Variants in NUP214 observed in about 807,000 individuals in gnomAD.
NUP214 encodes the protein nucleoporin 214, also known as nuclear pore complex protein Nup214.
Under a neutral mutation model 196.2 loss-of-function variants are expected in NUP214, and 79 were observed. The ratio of observed to expected loss-of-function variants is 0.40; its 90% CI spans 0.34 to 0.49. The LOEUF is 0.49. NUP214 is among the 20% of genes least tolerant of loss of function. The probability of loss-of-function intolerance (pLI) is 0.58; values close to 1 mark genes in which losing one functional copy is unlikely to be tolerated. For missense variants in NUP214, 2,468 were observed against 2,539.0 expected (o/e 0.97, Z 0.60); for synonymous variants, 1,020 against 990.5 (o/e 1.03, Z -0.56).
chr9:131,145,761 C>T (rs922230922), intron 12 of NUP214, among the ~76,000 whole-genome samples: 23 of 152,176 alleles, frequency 1.5e-4, no homozygotes, highest in Non-Finnish European at 3.4e-4. Context: ...CAGTAATTTC[C>T]TTGGTAAGAG....
intron 26 of NUP214, chr9:131,190,362 T>G: frequency 4.7e-6 from 3 of 640,044 alleles, no homozygotes; most frequent in Middle Eastern, 4.9e-4. Flanking sequence ...GAACTTTGCT[T>G]TATGCATGTC....
chr9:131,202,245 G>A (rs1479528989), intron 30 of NUP214, among the ~76,000 whole-genome samples: 1 of 152,110 alleles, frequency 6.6e-6, no homozygotes, highest in Non-Finnish European at 1.5e-5. Context: ...TCAGTCCCCT[G>A]CCTGTTAGGC....
At chr9:131,170,800 T>C (rs72768584) in intron 21 of NUP214, among the ~76,000 whole-genome samples, 5 of 63,402 alleles carry the variant, frequency 7.9e-5, no homozygotes, top group Admixed American at 2.0e-4. Flanking sequence ...TTATTATTAT[T>C]ATCATTATTA....
intron 4 of NUP214, 61 bp downstream of exon 4, chr9:131,129,538 T>C: frequency 6.6e-7 from 1 of 1,509,254 alleles, no homozygotes; most frequent in East Asian, 2.3e-5. Context: ...TAAGAATTGA[T>C]TTCTAGAAGT....
rs537685276 is a variant in NUP214, at chr9:131,201,823, T to A, written c.5592+106T>A. 15 of 952,132 alleles carry A rather than the reference T, an allele frequency of 1.6e-5. No individual in the cohort carries two copies. The Admixed American group carries it at 2.7e-4, about 17-fold the overall frequency. 59.0% of individuals were successfully genotyped at this position (952,132 alleles called of 1,614,324 possible). On this transcript the variant is annotated intron_variant, in intron 30 of 35. Coordinates refer to ENST00000359428, the MANE Select transcript of NUP214 (RefSeq NM_005085.4). Reference sequence around the variant, plus strand: ...GTTGTATATCTAAATCCAGCAAATATAGCCCTGTGTGGTTCTTAAGCTGTA... The same window carrying A: ...GTTGTATATCTAAATCCAGCAAATAAAGCCCTGTGTGGTTCTTAAGCTGTA...
intron 9 of NUP214, 26 bp from the exon 10 acceptor site, chr9:131,139,255 C>CTTCT: frequency 3.7e-6 from 4 of 1,090,526 alleles, no homozygotes; most frequent in Non-Finnish European, 4.7e-6. Flanking sequence ...TCTTCTTCTT[C>CTTCT]TTTTTTTTTT....
chr9:131,151,657 A>ACAC, intron 16 of NUP214, 79 bp from the exon 17 acceptor site: 1 of 1,149,740 alleles, frequency 8.7e-7, no homozygotes, highest in Non-Finnish European at 1.2e-6. Context: ...CGTTTGAGAA[A>ACAC]CACCACCTTC....
At chr9:131,130,680 G>A in intron 4 of NUP214, 86 bp from the exon 5 acceptor site, 1 of 1,217,606 alleles carries the variant, frequency 8.2e-7, no homozygotes, top group South Asian at 1.2e-5. Flanking sequence ...ACAGAGGAAT[G>A]AGAATTGATA....
At chr9:131,162,530 A>C (rs1017618601) in intron 18 of NUP214, among the ~76,000 whole-genome samples, 1 of 152,130 alleles carries the variant, frequency 6.6e-6, no homozygotes, top group Non-Finnish European at 1.5e-5. Flanking sequence ...CTGATGCTAA[A>C]TCTTATGCTG....
chr9:131,233,471 G>A lies in NUP214; in HGVS notation c.6257G>A (p.Gly2086Asp). ...GSNNSSVQGF[G>D]GWRS ...CCTTGCAGGTCTGTCCAGGGTTTTG[G>A]TGGCTGGCGAAGCTGAGGGCGTGTC... Residue 2086 changes from glycine (G) to aspartate (D), a missense_variant, in exon 36 of 36, where the codon GGT (glycine) becomes GAT (aspartate). Physicochemically the swap from Gly to Asp is moderately conservative, Grantham distance 94. Around this residue, in one of 5 missense-constraint regions of NUP214, gnomAD observed 262 missense variants for 296.5 expected, o/e 0.88. Coordinates refer to ENST00000359428, the MANE Select transcript of NUP214 (RefSeq NM_005085.4). 6.2e-7 allele frequency: 1 copy of A among 1,613,620 alleles called. No homozygotes were observed. Among genetic ancestry groups the A allele is most frequent in the Non-Finnish European group, 8.5e-7 (1 of 1,179,734 alleles).
Position 131,128,346 on chromosome 9 carries a change from G to A in NUP214, c.256G>A (p.Gly86Ser), listed in dbSNP as rs749822581. The change falls in exon 3 of 36, where the codon GGC (glycine) becomes AGC (serine). Residue 86 changes from glycine to serine, a missense_variant. By Grantham distance (56) the Gly-to-Ser change is moderately conservative (BLOSUM62 0). Coordinates refer to ENST00000359428, the MANE Select transcript of NUP214 (RefSeq NM_005085.4). ...DPNKIVDKVQ[G>S]LLVPMKFPIH... ...TGTTTTCATAGTTGATAAAGTCCAA[G>A]GCTTGCTAGTTCCTATGAAATTCCC... 4 of 1,612,194 alleles carry A rather than the reference G, an allele frequency of 2.5e-6. No individual in the cohort carries two copies. Among genetic ancestry groups the A allele is most frequent in the Non-Finnish European group, 3.4e-6 (4 of 1,178,894 alleles).
At chr9:131,136,067 G>A in intron 9 of NUP214, 61 bp downstream of exon 9, 1 of 1,352,474 alleles carries the variant, frequency 7.4e-7, no homozygotes, top group Non-Finnish European at 1.1e-6. Flanking sequence ...TTTTGAGACA[G>A]TCTCGCTCTG....
rs1832102440 is a variant in NUP214 at position 131,146,951 on chromosome 9, G to A, written c.1946-539G>A. On this transcript the variant is annotated intron_variant, in intron 13 of 35. Transcript: ENST00000359428. This position sits in a 1 kb window ranked among gnomAD's most constrained non-coding sequence, Gnocchi z 4.6. ...CTCAAAAAAAAAAAAAAGTACAGAG[G>A]AGAGAGTACCTGCAGTGATTATATT... Among the ~76,000 whole-genome samples, 1 of 151,780 alleles carries A rather than the reference G, an allele frequency of 6.6e-6. No homozygotes were observed. The highest frequency in any genetic ancestry group is 1.5e-5 in the Non-Finnish European group (1 of 67,940).
chr9:131,185,915 A>G (rs953650239), intron 24 of NUP214, among the ~76,000 whole-genome samples: 1 of 152,232 alleles, frequency 6.6e-6, no homozygotes, highest in Non-Finnish European at 1.5e-5. Flanking sequence ...CTATCATGTC[A>G]CAATTGAATT....
intron 34 of NUP214, 38 bp downstream of exon 34, chr9:131,230,807 G>T: frequency 1.9e-6 from 3 of 1,597,228 alleles, no homozygotes; most frequent in Non-Finnish European, 2.6e-6. Context: ...AAGCAAAATG[G>T]GTCCCTCTTG....
At chr9:131,160,538 A>G (rs547131756) in intron 18 of NUP214, among the ~76,000 whole-genome samples, 2 of 152,214 alleles carry the variant, frequency 1.3e-5, no homozygotes, top group Admixed American at 1.3e-4. Context: ...TGAAGTGCCC[A>G]TTAGAAATTT....
chr9:131,198,672 C>CGGGCAGGCCTCAGTCTTT lies in NUP214; in HGVS notation c.5185_5202dup (p.Ala1729_Gln1734dup). On this transcript the variant is annotated inframe_insertion, in exon 29 of 36. Transcript: ENST00000359428. ...CAGGGGTCTTTGGACAGACAACCTT[C>CGGGCAGGCCTCAGTCTTT]GGGCAGGCCTCAGTCTTTGGGCAGT... 2 of 1,614,220 alleles carry CGGGCAGGCCTCAGTCTTT rather than the reference C, an allele frequency of 1.2e-6. No homozygotes were observed. The highest frequency in any genetic ancestry group is 1.7e-6 in the Non-Finnish European group (2 of 1,180,030).
chr9:131,130,358 T>C (rs1831511279), intron 4 of NUP214, among the ~76,000 whole-genome samples: 1 of 151,968 alleles, frequency 6.6e-6, no homozygotes, highest in Admixed American at 6.6e-5. Context: ...TTGGCCAGGC[T>C]GGTCTTGAAC....
intron 30 of NUP214, among the ~76,000 whole-genome samples, chr9:131,205,349 T>C (rs1834048483): frequency 6.6e-6 from 1 of 152,174 alleles, no homozygotes; most frequent in Non-Finnish European, 1.5e-5. Flanking sequence ...TACCAAGTAT[T>C]GGTGAGGAAG....
Sources: allele counts gnomAD v4.1 joint callset (sites outside exome capture counted in the v4.1 genomes callset), GRCh38; gene constraint gnomAD v4.1.1; regional missense constraint gnomAD v4.1.1; non-coding constraint Gnocchi (gnomAD v3.1); transcripts MANE v1.5; gene names NCBI Gene and HGNC (gene_info 2026-07-23, HGNC 2026-07-21).